Variants in MYO9A observed in about 807,000 individuals in gnomAD.
MYO9A encodes the protein myosin IXA, also known as unconventional myosin-IXa.
MYO9A carries 103 observed loss-of-function variants against 293.3 expected under a neutral mutation model. That is an observed-to-expected ratio of 0.35 (90% CI 0.30 to 0.41). MYO9A has a LOEUF of 0.41. MYO9A is among the 10% of genes least tolerant of loss of function. The pLI is 1.00. For missense variants in MYO9A, 2,685 were observed against 3,033.0 expected (o/e 0.89, Z 2.69); for synonymous variants, 1,001 against 1,035.7 (o/e 0.97, Z 0.64).
At chr15:71,965,738 G>A (rs555220091) in intron 13 of MYO9A, among the ~76,000 whole-genome samples, 7 of 152,302 alleles carry the variant, frequency 4.6e-5, no homozygotes, top group Admixed American at 1.3e-4. Context: ...GCGAGACTCC[G>A]TCTCAAAACA....
At position 71,860,560 on chromosome 15, in the gene MYO9A, T is replaced by G. The variant is rs564934356; in HGVS notation, c.6092-764A>C. Reference sequence around the variant, plus strand: ...ACCTGAATATCCTTTCTTGAGCTTGTAAAATATAACTTGTAGGCTTTTGAA... The same window carrying G: ...ACCTGAATATCCTTTCTTGAGCTTGGAAAATATAACTTGTAGGCTTTTGAA... On this transcript the variant is annotated intron_variant, in intron 33 of 41. Coordinates refer to ENST00000356056, the MANE Select transcript of MYO9A (RefSeq NM_006901.4). Among the ~76,000 whole-genome samples, 119 of 151,572 alleles carry G rather than the reference T, an allele frequency of 7.9e-4. 2 individuals carry two copies. In the South Asian group the frequency reaches 0.024, roughly 30 times the overall value.
chr15:71,978,091 A>AT, intron 12 of MYO9A, 80 bp downstream of exon 12: 1 of 1,504,000 alleles, frequency 6.6e-7, no homozygotes, highest in Non-Finnish European at 9.0e-7. Context: ...TTATTTGGTA[A>AT]TGTAAGAAAA....
chr15:72,099,631 G>A lies in MYO9A; in HGVS notation c.-72+18049C>T, dbSNP rs375364858. On this transcript the variant is annotated intron_variant, in intron 1 of 41. Transcript: ENST00000356056. Reference sequence around the variant, plus strand: ...AGAAAAAAAAACCAAGGCTGGGCGCGGTGGCTCATGCCTGTAATCCCAGAA... The same window carrying A: ...AGAAAAAAAAACCAAGGCTGGGCGCAGTGGCTCATGCCTGTAATCCCAGAA... Among the ~76,000 whole-genome samples, 34 of 151,694 alleles carry A rather than the reference G, an allele frequency of 2.2e-4. No individual in the cohort carries two copies. The South Asian group carries it at 4.4e-3, about 19-fold the overall frequency.
intron 13 of MYO9A, among the ~76,000 whole-genome samples, chr15:71,967,475 A>C (rs1385948107): frequency 6.6e-6 from 1 of 152,212 alleles, no homozygotes; most frequent in Non-Finnish European, 1.5e-5. Flanking sequence ...TACCTGGGAA[A>C]TTAAATGCCT....
chr15:72,043,440 T>A (rs1176806746), intron 2 of MYO9A, among the ~76,000 whole-genome samples: 1 of 152,166 alleles, frequency 6.6e-6, no homozygotes, highest in Non-Finnish European at 1.5e-5. Flanking sequence ...ACAACCCATA[T>A]ATCCATCAAT....
chr15:72,020,609 A>T (rs1023095371), intron 5 of MYO9A, among the ~76,000 whole-genome samples: 2 of 152,234 alleles, frequency 1.3e-5, no homozygotes, highest in African/African-American at 4.8e-5. Flanking sequence ...TGTAAAAGGT[A>T]AATCACTTTA....
At chr15:72,046,896 GA>G (rs535549503) in intron 1 of MYO9A, among the ~76,000 whole-genome samples, 276 of 152,164 alleles carry the variant, frequency 1.8e-3, no homozygotes, top group Non-Finnish European at 3.4e-3. Flanking sequence ...AGAGTACAAA[GA>G]AAAATTATTT....
chr15:71,998,848 G>A (rs966083204), intron 9 of MYO9A, among the ~76,000 whole-genome samples: 4 of 151,984 alleles, frequency 2.6e-5, no homozygotes, highest in South Asian at 4.2e-4. Flanking sequence ...TTGTCCTTGC[G>A]ATAGTTTACT....
At chr15:71,855,060 C>T (rs1378304554) in intron 34 of MYO9A, among the ~76,000 whole-genome samples, 1 of 152,202 alleles carries the variant, frequency 6.6e-6, no homozygotes, top group Admixed American at 6.5e-5. Context: ...CACAGATCAG[C>T]CCATGACTAC....
intron 35 of MYO9A, among the ~76,000 whole-genome samples, chr15:71,853,231 A>G (rs1596031777): frequency 6.6e-6 from 1 of 152,228 alleles, no homozygotes; most frequent in African/African-American, 2.4e-5. Context: ...TTTGAGTAAC[A>G]ATGGTTTACA....
rs1407307914 is a variant in MYO9A at position 71,848,873 on chromosome 15, G to T, written c.6809C>A (p.Thr2270Asn). ...SLEFAENKAK[T>N]RLSLIRRSMG... ...TGATCTACGAATCAGTGACAACCTG[G>T]TCTTTGCCTTATTCTCAGCAAATTC... The change falls in exon 39 of 42, where the codon ACC becomes AAC. Residue 2270 changes from threonine to asparagine, a missense_variant. This residue lies in a region of MYO9A where 7 missense variants were observed against 28.9 expected (regional missense o/e 0.24). Coordinates refer to ENST00000356056, the MANE Select transcript of MYO9A (RefSeq NM_006901.4). 1 of 1,610,154 alleles carries T rather than the reference G, an allele frequency of 6.2e-7. No individual in the cohort carries two copies. Among genetic ancestry groups the T allele is most frequent in the Non-Finnish European group, 8.5e-7 (1 of 1,179,184 alleles).
intron 8 of MYO9A, among the ~76,000 whole-genome samples, chr15:72,007,064 T>C (rs372526627): frequency 6.6e-6 from 1 of 152,214 alleles, no homozygotes; most frequent in African/African-American, 2.4e-5. Context: ...TGGATTACAG[T>C]TGGAGACATT....
Position 71,943,385 on chromosome 15 carries a change from A to G in MYO9A, c.2303-4458T>C, listed in dbSNP as rs549908365. On this transcript the variant is annotated intron_variant, in intron 15 of 41. Transcript: ENST00000356056. ...ACCAAAATGCATGCCAGTATCTTCT[A>G]TATTTGTCTCTGTATACCATCTGCA... 4.6e-5 allele frequency among the ~76,000 whole-genome samples: 7 copies of G among 152,102 alleles called. No homozygotes were observed. The South Asian group carries it at 1.5e-3, about 32-fold the overall frequency.
chr15:71,983,450 GTTTTTTATTTTTTTTATTTCTTTTTTTT>G (rs1429503109), intron 11 of MYO9A, among the ~76,000 whole-genome samples: 1 of 115,240 alleles, frequency 8.7e-6, no homozygotes, highest in Non-Finnish European at 1.8e-5. Flanking sequence ...ACATTAAATA[GTTTTTTATTTTTTTTATTTCTTTTTTTT>G]TTTTTTTTTT....
intron 8 of MYO9A, among the ~76,000 whole-genome samples, chr15:72,007,582 A>T (rs543579930): frequency 3.0e-4 from 45 of 152,278 alleles, no homozygotes; most frequent in Non-Finnish European, 5.6e-4. Flanking sequence ...GGGACTATGG[A>T]TGTCTGGAGC....
intron 11 of MYO9A, among the ~76,000 whole-genome samples, chr15:71,984,012 T>G (rs893645664): frequency 3.3e-5 from 5 of 152,250 alleles, no homozygotes; most frequent in Admixed American, 1.3e-4. Context: ...CAAGTCTTAT[T>G]GTTGTATCTT....
intron 18 of MYO9A, among the ~76,000 whole-genome samples, chr15:71,928,933 T>C (rs2058400087): frequency 6.6e-6 from 1 of 151,592 alleles, no homozygotes; most frequent in African/African-American, 2.4e-5. Context: ...TAGCCAGATG[T>C]GGTAGCATGC....
intron 1 of MYO9A, among the ~76,000 whole-genome samples, chr15:72,047,807 T>C (rs544503085): frequency 1.2e-3 from 83 of 71,236 alleles, no homozygotes; most frequent in African/African-American, 4.1e-3. Flanking sequence ...AGACAGGGTC[T>C]TGTTCTGTCA....
chr15:72,104,540 T>A (rs1312975664), intron 1 of MYO9A, among the ~76,000 whole-genome samples: 3 of 152,220 alleles, frequency 2.0e-5, no homozygotes, highest in Non-Finnish European at 4.4e-5. Context: ...TGCCTACACA[T>A]CAGGAAGTTG....
Sources: gnomAD v4.1 joint callset for allele counts (sites outside exome capture counted in the v4.1 genomes callset) on GRCh38, gnomAD v4.1.1 for gene constraint, gnomAD v4.1.1 regional missense constraint, MANE v1.5 for transcripts, NCBI Gene and HGNC (gene_info 2026-07-23, HGNC 2026-07-21) for gene names.